Variants in PPARGC1A observed in about 807,000 individuals in gnomAD.
PPARGC1A encodes PPARG coactivator 1 alpha, also known as peroxisome proliferator-activated receptor gamma coactivator 1-alpha.
Under a neutral mutation model 88.7 loss-of-function variants are expected in PPARGC1A, and 25 were observed. The observed-to-expected ratio is 0.28, with a 90% CI of 0.21 to 0.39. The LOEUF (loss-of-function observed/expected upper bound fraction) is 0.39. PPARGC1A is among the 10% of genes least tolerant of loss of function. The pLI is 1.00. For synonymous variants in PPARGC1A, 363 were observed against 355.6 expected, an observed-to-expected ratio of 1.02 and a Z score of -0.24; for missense variants, 880 against 968.7, an observed-to-expected ratio of 0.91 and a Z score of 1.22.
chr4:24,022,563 G>C, the PPARGC1A span, among the ~76,000 whole-genome samples: 1 of 152,262 alleles, frequency 6.6e-6, no homozygotes, highest in African/African-American at 2.4e-5. Flanking sequence ...TCCAGCATTC[G>C]TTGTGATGGT....
intron 2 of PPARGC1A, chr4:23,884,221 G>A (rs1222278104): frequency 2.6e-5 from 4 of 152,386 alleles, no homozygotes; most frequent in African/African-American, 9.7e-5. Flanking sequence ...GTATACAGTA[G>A]ATTAGTCAAG....
chr4:23,799,325 A>G (rs1718217854), intron 12 of PPARGC1A, among the ~76,000 whole-genome samples: 1 of 152,230 alleles, frequency 6.6e-6, no homozygotes, highest in Admixed American at 6.5e-5. Flanking sequence ...TTAAATTATA[A>G]CCATAGCCAC....
rs1310376241 is a variant in PPARGC1A, at chr4:23,814,352, A to G, written c.1131T>C (p.Ser377=). Residue 377 remains serine, a synonymous_variant, in exon 8 of 13, where the codon AGT becomes AGC. Coordinates refer to ENST00000264867, the MANE Select transcript of PPARGC1A (RefSeq NM_013261.5). ...GHEERKTKRP[S]LRLFGDHDYC... ...AGTCATGGTCACCAAACAGCCGCAG[A>G]CTGGGCCGCTTGGTCTTCCTTTCCT... 6.2e-7 allele frequency: 1 copy of G among 1,613,990 alleles called. No homozygotes were observed. Among genetic ancestry groups the G allele is most frequent in the East Asian group, 2.2e-5 (1 of 44,850 alleles).
chr4:24,403,711 G>A, the PPARGC1A span, among the ~76,000 whole-genome samples: 9 of 152,138 alleles, frequency 5.9e-5, no homozygotes, highest in African/African-American at 2.2e-4. Context: ...TGTCTAACCT[G>A]TAACTTCCAT....
At chr4:24,466,252 A>T in the PPARGC1A span, among the ~76,000 whole-genome samples, 1 of 152,252 alleles carries the variant, frequency 6.6e-6, no homozygotes, top group Non-Finnish European at 1.5e-5. Flanking sequence ...GTTATATAAA[A>T]GAAAGTGGGT....
intron 12 of PPARGC1A, among the ~76,000 whole-genome samples, chr4:23,800,919 A>G (rs1004490396): frequency 2.0e-5 from 3 of 151,318 alleles, no homozygotes; most frequent in Admixed American, 1.3e-4. Context: ...AGCTCCTGGC[A>G]CAGTGTCTGG....
the PPARGC1A span, among the ~76,000 whole-genome samples, chr4:24,014,792 G>A: frequency 0.014 from 2,066 of 152,120 alleles, 37 homozygotes; most frequent in African/African-American, 0.046. Flanking sequence ...GACCCACCCA[G>A]GATTACCTCT....
the PPARGC1A span, among the ~76,000 whole-genome samples, chr4:24,170,797 C>A: frequency 6.6e-6 from 1 of 152,160 alleles, no homozygotes; most frequent in Non-Finnish European, 1.5e-5. Flanking sequence ...ATTATAAGAT[C>A]CCTGCCAAGA....
chr4:23,913,265 TATAGAG>T, the PPARGC1A span, among the ~76,000 whole-genome samples: 770 of 58,704 alleles, frequency 0.013, 3 homozygotes, highest in East Asian at 0.018. Flanking sequence ...TATATATATA[TATAGAG>T]AGAGAGAGAG....
the PPARGC1A span, among the ~76,000 whole-genome samples, chr4:24,383,182 C>G: frequency 7.2e-5 from 11 of 152,136 alleles, no homozygotes; most frequent in African/African-American, 2.4e-4. Context: ...GCATCAACAT[C>G]AACAGAAAGA....
the PPARGC1A span, among the ~76,000 whole-genome samples, chr4:24,018,093 C>A: frequency 1.3e-5 from 2 of 151,940 alleles, no homozygotes; most frequent in East Asian, 1.9e-4. Context: ...AATAATTTTC[C>A]ATTTATGAAG....
chr4:23,985,073 C>T, the PPARGC1A span, among the ~76,000 whole-genome samples: 124 of 152,176 alleles, frequency 8.1e-4, 1 homozygote, highest in African/African-American at 2.6e-3. Flanking sequence ...GATTACAGAA[C>T]GTTCGTGAAA....
At chr4:24,237,783 G>A in the PPARGC1A span, among the ~76,000 whole-genome samples, 1,159 of 152,236 alleles carry the variant, frequency 7.6e-3, 17 homozygotes, top group African/African-American at 0.026. Flanking sequence ...CTTTATAGGC[G>A]GAAGGGGCCT....
At chr4:24,392,188 C>T in the PPARGC1A span, among the ~76,000 whole-genome samples, 4 of 152,012 alleles carry the variant, frequency 2.6e-5, no homozygotes, top group Non-Finnish European at 2.9e-5. Context: ...GTCCAATTGC[C>T]GTCAGTCATT....
chr4:24,292,246 A>G, the PPARGC1A span, among the ~76,000 whole-genome samples: 1 of 152,210 alleles, frequency 6.6e-6, no homozygotes, highest in South Asian at 2.1e-4. Flanking sequence ...CTGCACTGCG[A>G]GCGAGAACTC....
the PPARGC1A span, among the ~76,000 whole-genome samples, chr4:23,987,244 A>G: frequency 6.6e-6 from 1 of 152,008 alleles, no homozygotes; most frequent in African/African-American, 2.4e-5. Context: ...CCTGCATTTC[A>G]GACACAGATG....
the PPARGC1A span, chr4:24,091,695 G>A: frequency 1.7e-3 from 1,622 of 961,656 alleles, 20 homozygotes; most frequent in African/African-American, 0.025. Flanking sequence ...AACCCACCGG[G>A]GAACAAATTT....
At chr4:24,228,936 A>G in the PPARGC1A span, among the ~76,000 whole-genome samples, 11 of 152,154 alleles carry the variant, frequency 7.2e-5, no homozygotes, top group Admixed American at 7.2e-4. Flanking sequence ...GCAGATATGC[A>G]GGCTCCAACC....
the PPARGC1A span, among the ~76,000 whole-genome samples, chr4:24,337,358 GTAGT>G: frequency 2.6e-5 from 4 of 152,196 alleles, no homozygotes; most frequent in Non-Finnish European, 5.9e-5. Flanking sequence ...CAGCTACGGA[GTAGT>G]TATTTGCCAG....
Sources: gnomAD v4.1 joint callset for allele counts (sites outside exome capture counted in the v4.1 genomes callset) on GRCh38, gnomAD v4.1.1 for gene constraint, MANE v1.5 for transcripts, NCBI Gene and HGNC (gene_info 2026-07-23, HGNC 2026-07-21) for gene names.